PC: variants seen among roughly 807,000 people sequenced by gnomAD.
PC encodes pyruvate carboxylase.
A neutral mutation model predicts 107.8 loss-of-function variants in PC; 46 were observed. The ratio of observed to expected loss-of-function variants is 0.43; its 90% CI spans 0.34 to 0.55. PC has a LOEUF of 0.55. PC is among the 20% of genes least tolerant of loss of function. The probability of loss-of-function intolerance (pLI) is 0.04; values close to 1 mark genes in which losing one functional copy is unlikely to be tolerated. For missense variants in PC, 1,241 were observed against 1,643.1 expected (o/e 0.76, Z 4.23); for synonymous variants, 662 against 684.7 (o/e 0.97, Z 0.52).
At chr11:66,891,223 A>AT (rs1212047256) in intron 3 of PC, among the ~76,000 whole-genome samples, 1 of 150,812 alleles carries the variant, frequency 6.6e-6, no homozygotes, top group Non-Finnish European at 1.5e-5. Flanking sequence ...TGCCCAACTA[A>AT]TTTTTTTTGT....
chr11:66,859,348 G>A (rs532214940), intron 12 of PC, among the ~76,000 whole-genome samples: 52 of 152,316 alleles, frequency 3.4e-4, no homozygotes, highest in Non-Finnish European at 6.8e-4. Flanking sequence ...CTCCCCGGCA[G>A]CAGGTGGCGG....
intron 3 of PC, among the ~76,000 whole-genome samples, chr11:66,925,913 G>A (rs1475037300): frequency 6.6e-6 from 1 of 151,234 alleles, no homozygotes; most frequent in East Asian, 1.9e-4. Flanking sequence ...CCCGCAACAG[G>A]GAGGGGAGTT....
At chr11:66,886,164 T>A in intron 3 of PC, among the ~76,000 whole-genome samples, 1 of 67,484 alleles carries the variant, frequency 1.5e-5, no homozygotes, top group East Asian at 4.0e-4. Flanking sequence ...GACTCCAGGG[T>A]GGGAGGAGGA....
intron 3 of PC, among the ~76,000 whole-genome samples, chr11:66,935,213 G>A (rs1948966056): frequency 6.6e-6 from 1 of 152,212 alleles, no homozygotes; most frequent in Admixed American, 6.5e-5. Flanking sequence ...TCAGTCAACT[G>A]AGAAAACGCA....
rs147008610 is a variant in PC at position 66,954,395 on chromosome 11, G to T, written c.-186C>A. On this transcript the variant is annotated 5_prime_UTR_variant, in exon 2 of 23. Coordinates refer to ENST00000393960, the MANE Select transcript of PC (RefSeq NM_001040716.2). ...TTTCCCATCTTCCACCGTCAGGCCC[G>T]ACTCCTTTGGCAAAGTGTCCACAGG... 7 of 152,226 alleles carry T rather than the reference G, an allele frequency of 4.6e-5. No individual in the cohort carries two copies. The highest frequency in any genetic ancestry group is 1.0e-4 in the Non-Finnish European group (7 of 68,072). The allele number at this position is 152,226 out of a possible 1,614,324, so 9.4% of individuals were successfully genotyped here. A position where few individuals can be genotyped will look rare whatever the true frequency, so the allele number is the denominator to read the frequency against.
chr11:66,851,676 G>T, intron 16 of PC, 114 bp downstream of exon 16: 2 of 1,123,410 alleles, frequency 1.8e-6, no homozygotes, highest in Non-Finnish European at 2.7e-6. Context: ...GCTGCGTGTG[G>T]CCACAGAGAG....
chr11:66,899,426 G>A (rs945478668), intron 3 of PC, among the ~76,000 whole-genome samples: 1 of 152,048 alleles, frequency 6.6e-6, no homozygotes, highest in Non-Finnish European at 1.5e-5. Flanking sequence ...TCACTCTGTC[G>A]CCCAGGCTGG....
rs1422760347 is a variant in PC at position 66,871,738 on chromosome 11, C to T, written c.270G>A (p.Leu90=). The change falls in exon 5 of 23, where the codon CTG becomes CTA. Residue 90 remains leucine (L), a synonymous_variant. Transcript: ENST00000393960. This position sits in a 1 kb window ranked among gnomAD's most constrained non-coding sequence, Gnocchi z 7.4. ...ADEAYLIGRG[L]APVQAYLHIP... is the part of the protein sequence containing the mutation. Reference sequence around the variant, plus strand: ...TGTGCAGGTAGGCCTGCACGGGGGCCAGGCCGCGGCCGATGAGATAGGCTT... The same window carrying T: ...TGTGCAGGTAGGCCTGCACGGGGGCTAGGCCGCGGCCGATGAGATAGGCTT... The T allele has an allele frequency of 6.3e-7, 1 of 1,580,950 alleles. No individual in the cohort carries two copies. The highest frequency in any genetic ancestry group is 8.6e-7 in the Non-Finnish European group (1 of 1,163,614).
rs750352828 is a variant in PC at position 66,858,503 on chromosome 11, C to T, written c.1369-5120G>A. ...TGCGGCGGCTGGCGCGGCCGGACGA[C>T]CTGGAAACGTGCGCCTCCCCGCCCG... On this transcript the variant is annotated intron_variant, in intron 12 of 22. Coordinates refer to ENST00000393960, the MANE Select transcript of PC (RefSeq NM_001040716.2). This position sits in a 1 kb window ranked among gnomAD's most constrained non-coding sequence, Gnocchi z 5.9. 1.0e-5 allele frequency: 16 copies of T among 1,536,896 alleles called. No homozygotes were observed. Among genetic ancestry groups the T allele is most frequent in the Non-Finnish European group, 1.4e-5 (16 of 1,147,300 alleles).
At position 66,851,093 on chromosome 11, in the gene PC, T is replaced by C. The variant is rs754231451; in HGVS notation, c.2170A>G (p.Met724Val). Residue 724 changes from methionine to valine, a missense_variant, in exon 17 of 23, where the codon ATG becomes GTG. By Grantham distance (21) the Met-to-Val change is conservative. Around this residue, in one of 2 missense-constraint regions of PC, gnomAD observed 1,143 missense variants for 1,551.9 expected, o/e 0.74. Transcript: ENST00000393960. ...CGCACCAGCTCTTCGGCCAAGCCCA[T>C]GTAGTACTGCAGTGAGTACTTGGTG... The part of the protein sequence containing the change: ...SRTKYSLQYY[M>V]GLAEELVRAG... The C allele has an allele frequency of 4.3e-6, 7 of 1,613,226 alleles. No individual in the cohort carries two copies. Among genetic ancestry groups the C allele is most frequent in the African/African-American group, 2.7e-5 (2 of 74,926 alleles).
intron 3 of PC, among the ~76,000 whole-genome samples, chr11:66,925,192 T>C (rs992925080): frequency 2.0e-5 from 3 of 152,210 alleles, no homozygotes; most frequent in African/African-American, 4.8e-5. Context: ...CGCATTGTCA[T>C]TGATAACATC....
intron 12 of PC, among the ~76,000 whole-genome samples, chr11:66,856,208 C>A (rs188929936): frequency 2.6e-5 from 4 of 152,392 alleles, no homozygotes; most frequent in African/African-American, 9.6e-5. Context: ...AGGGAAATGG[C>A]CCGGCGGCGA....
At chr11:66,860,237 T>C (rs1260063931) in intron 12 of PC, 1 of 1,538,686 alleles carries the variant, frequency 6.5e-7, no homozygotes, top group Non-Finnish European at 8.7e-7. Flanking sequence ...ATGAGCCTCG[T>C]GGGGCAGAGG....
At chr11:66,869,951 T>C (rs1029952293) in intron 9 of PC, among the ~76,000 whole-genome samples, 2 of 152,190 alleles carry the variant, frequency 1.3e-5, no homozygotes, top group Non-Finnish European at 2.9e-5. Context: ...GTCCTCAATC[T>C]TGACAGAATC....
At chr11:66,879,359 G>T (rs1410605324) in intron 3 of PC, among the ~76,000 whole-genome samples, 1 of 152,236 alleles carries the variant, frequency 6.6e-6, no homozygotes, top group Non-Finnish European at 1.5e-5. Flanking sequence ...ACGTGCTTTT[G>T]CCAATGCAGA....
intron 3 of PC, among the ~76,000 whole-genome samples, chr11:66,902,788 GCTAA>G (rs760856847): frequency 1.6e-4 from 24 of 152,144 alleles, no homozygotes; most frequent in Non-Finnish European, 3.2e-4. Context: ...CTTCCCCCAG[GCTAA>G]CTGTGTAATC....
Position 66,857,039 on chromosome 11 carries a change from G to A in PC, c.1369-3656C>T, listed in dbSNP as rs1276549409. The A allele has an allele frequency of 1.4e-5, 2 of 146,446 alleles. No homozygotes were observed. Among genetic ancestry groups the A allele is most frequent in the East Asian group, 4.0e-4 (2 of 5,028 alleles). 9.1% of individuals were successfully genotyped at this position (146,446 alleles called of 1,614,324 possible). Reference sequence around the variant, plus strand: ...GCGCCCCTCCCCGTCCGCCCTCCACGTGCGTGTCCGCGGCGCGCGCGCCCG... The same window carrying A: ...GCGCCCCTCCCCGTCCGCCCTCCACATGCGTGTCCGCGGCGCGCGCGCCCG... On this transcript the variant is annotated intron_variant, in intron 12 of 22. Transcript: ENST00000393960. The surrounding 1 kb of genome is among the most constrained non-coding windows in gnomAD (Gnocchi z 7.1).
chr11:66,893,788 C>A (rs1220850453), intron 3 of PC, among the ~76,000 whole-genome samples: 1 of 149,168 alleles, frequency 6.7e-6, no homozygotes, highest in African/African-American at 2.5e-5. Context: ...AGCCCCCGCC[C>A]CCTACCCCCT....
intron 3 of PC, among the ~76,000 whole-genome samples, chr11:66,942,102 CAA>C (rs1395089494): frequency 7.4e-5 from 8 of 108,248 alleles, no homozygotes; most frequent in Non-Finnish European, 3.8e-5. Context: ...AACTCCATCT[CAA>C]AAAAAAAAAA....
Sources: allele counts gnomAD v4.1 joint callset (sites outside exome capture counted in the v4.1 genomes callset), GRCh38; gene constraint gnomAD v4.1.1; regional missense constraint gnomAD v4.1.1; non-coding constraint Gnocchi (gnomAD v3.1); transcripts MANE v1.5; gene names NCBI Gene and HGNC (gene_info 2026-07-23, HGNC 2026-07-21).